The following LRRC1 variants were observed in gnomAD, a reference collection of about 807,000 sequenced individuals.
LRRC1 encodes leucine-rich repeat-containing protein 1.
LRRC1 carries 28 observed loss-of-function variants against 69.9 expected under a neutral mutation model. The ratio of observed to expected loss-of-function variants is 0.40; its 90% confidence interval spans 0.30 to 0.55. The LOEUF is 0.55. LRRC1 is among the 20% of genes least tolerant of loss of function. The pLI, the probability that LRRC1 is intolerant of heterozygous loss-of-function variation, is 0.47. For missense variants in LRRC1, 498 were observed against 609.0 expected (o/e 0.82, Z 1.92); for synonymous variants, 236 against 240.2 (o/e 0.98, Z 0.16).
At chr6:53,823,849 C>T (rs1765183433) in intron 1 of LRRC1, among the ~76,000 whole-genome samples, 1 of 152,184 alleles carries the variant, frequency 6.6e-6, no homozygotes, top group African/African-American at 2.4e-5. Flanking sequence ...GCAGAGTATT[C>T]CATGCTGTAT....
intron 10 of LRRC1, among the ~76,000 whole-genome samples, chr6:53,907,543 C>A (rs1170304541): frequency 6.6e-6 from 1 of 152,088 alleles, no homozygotes; most frequent in Non-Finnish European, 1.5e-5. Flanking sequence ...CAATGAATGT[C>A]TTTTGTTTTC....
intron 1 of LRRC1, among the ~76,000 whole-genome samples, chr6:53,805,061 T>C (rs1581841090): frequency 6.6e-6 from 1 of 152,212 alleles, no homozygotes; most frequent in Non-Finnish European, 1.5e-5. Context: ...CCCATTATTC[T>C]TGAGTGCAAT....
rs75537043 is a variant in LRRC1, at chr6:53,907,399, G to A, written c.990+2937G>A. On this transcript the variant is annotated intron_variant, in intron 10 of 13. Transcript: ENST00000370888. The stretch of plus-strand genomic sequence containing the variant: ...TGTGTGTTGCCAGTTTTAGGGCACA[G>A]CTCCTTAGTCTGTAGCAGCATTTAT... Among the ~76,000 whole-genome samples, 651 of 152,192 alleles carry A rather than the reference G, an allele frequency of 4.3e-3. 6 individuals are homozygous for A. Among genetic ancestry groups the A allele is most frequent in the African/African-American group, 0.015 (606 of 41,512 alleles).
intron 1 of LRRC1, among the ~76,000 whole-genome samples, chr6:53,818,501 C>G (rs142037776): frequency 1.3e-5 from 2 of 152,150 alleles, no homozygotes; most frequent in Admixed American, 1.3e-4. Flanking sequence ...GCAGTCCTTA[C>G]AGAATTAAAT....
intron 9 of LRRC1, among the ~76,000 whole-genome samples, chr6:53,903,621 T>C (rs913802148): frequency 2.0e-5 from 3 of 151,858 alleles, no homozygotes. Context: ...ATAGAGTAAG[T>C]AATGTTCTTT....
At chr6:53,795,794 C>A (rs368297792) in intron 1 of LRRC1, among the ~76,000 whole-genome samples, 1 of 152,214 alleles carries the variant, frequency 6.6e-6, no homozygotes, top group Non-Finnish European at 1.5e-5. Context: ...CATCCTCCCC[C>A]CCTCCACTCC....
intron 10 of LRRC1, among the ~76,000 whole-genome samples, chr6:53,909,609 GAAAA>G (rs113333784): frequency 7.4e-6 from 1 of 134,472 alleles, no homozygotes; most frequent in African/African-American, 2.7e-5. Context: ...TTTATAATCA[GAAAA>G]AAAAAAAAGA....
At chr6:53,846,082 A>G (rs931804822) in intron 2 of LRRC1, among the ~76,000 whole-genome samples, 7 of 152,222 alleles carry the variant, frequency 4.6e-5, no homozygotes, top group African/African-American at 1.7e-4. Flanking sequence ...TCAAGTGAGG[A>G]GAAAACCCAG....
intron 10 of LRRC1, among the ~76,000 whole-genome samples, chr6:53,912,524 G>T (rs1047746350): frequency 3.3e-5 from 5 of 152,108 alleles, no homozygotes; most frequent in African/African-American, 1.2e-4. Context: ...CTTTCCACAT[G>T]ACCAGAGACA....
chr6:53,805,030 TTTC>T (rs1429679281), intron 1 of LRRC1, among the ~76,000 whole-genome samples: 1 of 152,322 alleles, frequency 6.6e-6, no homozygotes, highest in African/African-American at 2.4e-5. Flanking sequence ...GTCTTTTTTT[TTTC>T]TTCTTTTTAT....
At chr6:53,803,804 A>G (rs1764559924) in intron 1 of LRRC1, among the ~76,000 whole-genome samples, 1 of 152,196 alleles carries the variant, frequency 6.6e-6, no homozygotes, top group South Asian at 2.1e-4. Flanking sequence ...ACCTAATTAC[A>G]GCATGTTCCA....
At chr6:53,837,598 T>A (rs1344162582) in intron 1 of LRRC1, among the ~76,000 whole-genome samples, 1 of 152,198 alleles carries the variant, frequency 6.6e-6, no homozygotes, top group African/African-American at 2.4e-5. Context: ...TCCATTTGAA[T>A]TTGTAACAAT....
chr6:53,906,774 G>A (rs1311449016), intron 10 of LRRC1, among the ~76,000 whole-genome samples: 1 of 152,182 alleles, frequency 6.6e-6, no homozygotes, highest in African/African-American at 2.4e-5. Flanking sequence ...AATTATGATT[G>A]GTTTTCTGGC....
At chr6:53,909,515 G>A (rs148473260) in intron 10 of LRRC1, among the ~76,000 whole-genome samples, 2 of 151,818 alleles carry the variant, frequency 1.3e-5, no homozygotes, top group African/African-American at 4.8e-5. Flanking sequence ...TTATCCCTTT[G>A]TGGTAAGATT....
chr6:53,877,723 C>T (rs1180473545), intron 2 of LRRC1, among the ~76,000 whole-genome samples: 3 of 152,182 alleles, frequency 2.0e-5, no homozygotes, highest in Admixed American at 6.6e-5. Context: ...CATCTCCCAC[C>T]TCAGCCTGAA....
At chr6:53,885,036 AAG>A (rs5876343) in intron 4 of LRRC1, among the ~76,000 whole-genome samples, 2 of 152,346 alleles carry the variant, frequency 1.3e-5, no homozygotes, top group South Asian at 4.1e-4. Context: ...TTAAATGAAA[AAG>A]AGAGAGTTTT....
At chr6:53,883,966 C>G in intron 4 of LRRC1, 1 of 718,068 alleles carries the variant, frequency 1.4e-6, no homozygotes, top group Non-Finnish European at 2.6e-6. Context: ...AGACAACTAG[C>G]TGACACCTGT....
chr6:53,842,318 G>T, intron 2 of LRRC1, 91 bp downstream of exon 2: 1 of 830,088 alleles, frequency 1.2e-6, no homozygotes. Flanking sequence ...AACATGCGGT[G>T]TTTGGTTTTT....
intron 2 of LRRC1, among the ~76,000 whole-genome samples, chr6:53,877,402 T>C (rs754904270): frequency 6.6e-6 from 1 of 152,230 alleles, no homozygotes; most frequent in Non-Finnish European, 1.5e-5. Context: ...AACATTCAGC[T>C]TCTCGTTACT....
Sources: allele counts gnomAD v4.1 joint callset (sites outside exome capture counted in the v4.1 genomes callset), GRCh38; gene constraint gnomAD v4.1.1; transcripts MANE v1.5; gene names NCBI Gene and HGNC (gene_info 2026-07-23, HGNC 2026-07-21).